FAXC: variants seen among roughly 807,000 people sequenced by gnomAD.
FAXC encodes the protein failed axon connections homolog, metaxin like GST domain containing.
Under a neutral mutation model 41.9 loss-of-function variants are expected in FAXC, and 10 were observed. That is an observed-to-expected ratio of 0.24 (90% CI 0.15 to 0.41). The LOEUF (loss-of-function observed/expected upper bound fraction) is 0.41. Among genes scored for constraint, FAXC ranks in the 10% least tolerant of loss-of-function variants. The pLI is 1.00. For synonymous variants in FAXC, 183 were observed against 183.8 expected (o/e 1.00, Z 0.03); for missense variants, 399 against 510.9 (o/e 0.78, Z 2.11).
intron 1 of FAXC, among the ~76,000 whole-genome samples, chr6:99,343,635 T>A (rs938728639): frequency 6.6e-6 from 1 of 152,200 alleles, no homozygotes; most frequent in Non-Finnish European, 1.5e-5. Context: ...GTTTTGGCCA[T>A]TAGACTATAC....
intron 4 of FAXC, among the ~76,000 whole-genome samples, chr6:99,299,173 T>C (rs1294684519): frequency 6.6e-6 from 1 of 152,226 alleles, no homozygotes; most frequent in South Asian, 2.1e-4. Flanking sequence ...TATATATCAT[T>C]ATGAGATGGT....
Position 99,333,445 on chromosome 6 carries a change from C to A in FAXC, c.505G>T (p.Glu169Ter). The A allele has an allele frequency of 1.2e-6, 2 of 1,614,178 alleles. No individual in the cohort carries two copies. Among genetic ancestry groups the A allele is most frequent in the Non-Finnish European group, 1.7e-6 (2 of 1,180,018 alleles). ...TTGTTTAAATTCACTCCAAGCTTCTCTTCCAGAAAGTCAATTATGAATTCT... is the reference window on the plus strand; with the variant it reads ...TTGTTTAAATTCACTCCAAGCTTCTATTCCAGAAAGTCAATTATGAATTCT... ...GTEFIIDFLE[E>*]KLGVNLNKNL... Residue 169 changes from glutamate (E) to a stop codon, truncating the protein, a stop_gained, in exon 3 of 6, where the codon GAG becomes TAG. Coordinates refer to ENST00000389677, the MANE Select transcript of FAXC (RefSeq NM_032511.4). LOFTEE classifies it high-confidence loss of function.
chr6:99,289,447 TC>T (rs1771147777), intron 5 of FAXC, among the ~76,000 whole-genome samples: 2 of 152,096 alleles, frequency 1.3e-5, no homozygotes, highest in Non-Finnish European at 2.9e-5. Context: ...GGCCAGGATG[TC>T]AAGACCAGCC....
chr6:99,342,911 T>G lies in FAXC; in HGVS notation c.389A>C (p.Asp130Ala). The G allele has an allele frequency of 6.2e-7, 1 of 1,606,930 alleles. No individual in the cohort carries two copies. The highest frequency in any genetic ancestry group is 8.5e-7 in the Non-Finnish European group (1 of 1,178,020). ...LKMETYLRMA[D>A]LPYQNYFGGK... Reference sequence around the variant, plus strand: ...GCACACAAGTACCTGATACGGTAAGTCAGCCATCCTTAAATAAGTTTCCAT... The same window carrying G: ...GCACACAAGTACCTGATACGGTAAGGCAGCCATCCTTAAATAAGTTTCCAT... Residue 130 changes from aspartate (D) to alanine (A), a missense_variant, in exon 2 of 6, where the codon GAC (aspartate) becomes GCC (alanine). Transcript: ENST00000389677.
chr6:99,340,729 C>T (rs1476155672), intron 2 of FAXC, among the ~76,000 whole-genome samples: 4 of 140,832 alleles, frequency 2.8e-5, no homozygotes, highest in African/African-American at 1.1e-4. Flanking sequence ...AGTGCAATGG[C>T]ACAATCTTGG....
Position 99,342,894 on chromosome 6 carries a change from G to A in FAXC, c.402+4C>T, listed in dbSNP as rs1360575179. ...AAAAAGAAAACATATTTGCACACAAGTACCTGATACGGTAAGTCAGCCATC... is the reference window on the plus strand; with the variant it reads ...AAAAAGAAAACATATTTGCACACAAATACCTGATACGGTAAGTCAGCCATC... On this transcript the variant is annotated splice_donor_region_variant and intron_variant, in intron 2 of 5. Transcript: ENST00000389677. 32 of 1,596,484 alleles carry A rather than the reference G, an allele frequency of 2.0e-5. No individual in the cohort carries two copies. The highest frequency in any genetic ancestry group is 2.6e-5 in the Non-Finnish European group (31 of 1,174,370).
chr6:99,298,874 T>C (rs1004886118), intron 4 of FAXC, among the ~76,000 whole-genome samples: 1 of 152,142 alleles, frequency 6.6e-6, no homozygotes, highest in African/African-American at 2.4e-5. Flanking sequence ...TCAACCTCTC[T>C]CCAAGTGTAG....
chr6:99,342,879 C>T lies in FAXC; in HGVS notation c.402+19G>A. ...TGATACTGATGTCATAAAAAGAAAA[C>T]ATATTTGCACACAAGTACCTGATAC... On this transcript the variant is annotated intron_variant, in intron 2 of 5. Transcript: ENST00000389677. 1 of 1,577,222 alleles carries T rather than the reference C, an allele frequency of 6.3e-7. No individual in the cohort carries two copies.
At chr6:99,317,743 A>G (rs769722966) in intron 4 of FAXC, among the ~76,000 whole-genome samples, 11 of 152,184 alleles carry the variant, frequency 7.2e-5, no homozygotes, top group Non-Finnish European at 1.5e-4. Context: ...TCATGGCCAC[A>G]GCTGGGGATC....
chr6:99,315,786 A>C (rs777305814), intron 4 of FAXC, among the ~76,000 whole-genome samples: 12 of 152,220 alleles, frequency 7.9e-5, no homozygotes, highest in Non-Finnish European at 1.6e-4. Flanking sequence ...TGCTAACAGC[A>C]TTCTGACATT....
chr6:99,310,325 C>T (rs1303952593), intron 4 of FAXC, among the ~76,000 whole-genome samples: 1 of 152,236 alleles, frequency 6.6e-6, no homozygotes, highest in Non-Finnish European at 1.5e-5. Context: ...AGTGCCCTCA[C>T]GCGGCCCTTC....
chr6:99,297,672 C>G (rs144374195), intron 4 of FAXC, among the ~76,000 whole-genome samples: 101 of 152,054 alleles, frequency 6.6e-4, no homozygotes, highest in African/African-American at 2.4e-3. Flanking sequence ...GTGTGATGCT[C>G]TCCAGACCTG....
chr6:99,324,292 TC>T (rs1206525687), intron 3 of FAXC, among the ~76,000 whole-genome samples: 2 of 152,024 alleles, frequency 1.3e-5, no homozygotes, highest in Non-Finnish European at 2.9e-5. Flanking sequence ...ACTCTATAAC[TC>T]CTGGGCTCAA....
At chr6:99,325,958 A>G (rs1201897965) in intron 3 of FAXC, among the ~76,000 whole-genome samples, 1 of 152,234 alleles carries the variant, frequency 6.6e-6, no homozygotes, top group Non-Finnish European at 1.5e-5. Context: ...CTCACCGGGC[A>G]GAGCAGAGGG....
At chr6:99,314,999 C>T (rs958456348) in intron 4 of FAXC, among the ~76,000 whole-genome samples, 9 of 151,942 alleles carry the variant, frequency 5.9e-5, no homozygotes, top group African/African-American at 1.7e-4. Flanking sequence ...CCTGGGAAGC[C>T]GAGGCAGGTG....
chr6:99,330,623 G>T (rs558686186), intron 3 of FAXC, among the ~76,000 whole-genome samples: 2 of 152,252 alleles, frequency 1.3e-5, no homozygotes, highest in East Asian at 3.9e-4. Flanking sequence ...TGTTTTTAAG[G>T]TTTCAGGCCA....
At chr6:99,342,166 C>T (rs1773450236) in intron 2 of FAXC, among the ~76,000 whole-genome samples, 1 of 152,188 alleles carries the variant, frequency 6.6e-6, no homozygotes, top group South Asian at 2.1e-4. Flanking sequence ...GAAAAGCTCT[C>T]ACCACATACA....
At chr6:99,320,772 T>C (rs1237144150) in intron 4 of FAXC, among the ~76,000 whole-genome samples, 1 of 152,252 alleles carries the variant, frequency 6.6e-6, no homozygotes, top group Non-Finnish European at 1.5e-5. Flanking sequence ...CAAAAAGTCC[T>C]TATTTTCTTC....
chr6:99,311,153 G>A lies in FAXC; in HGVS notation c.823+12291C>T, dbSNP rs139916271. Among the ~76,000 whole-genome samples, 160 of 152,336 alleles carry A rather than the reference G, an allele frequency of 1.1e-3. 3 individuals are homozygous for A. The Middle Eastern group carries it at 0.014, about 13-fold the overall frequency. Reference sequence around the variant, plus strand: ...AAAGCACTGAGACTTCAGCAGGGGTGAGTAGCAGCCTAAACATAAATCACA... The same window carrying A: ...AAAGCACTGAGACTTCAGCAGGGGTAAGTAGCAGCCTAAACATAAATCACA... On this transcript the variant is annotated intron_variant, in intron 4 of 5. Coordinates refer to ENST00000389677, the MANE Select transcript of FAXC (RefSeq NM_032511.4).
Sources: allele counts gnomAD v4.1 joint callset (sites outside exome capture counted in the v4.1 genomes callset), GRCh38; gene constraint gnomAD v4.1.1; transcripts MANE v1.5; gene names NCBI Gene and HGNC (gene_info 2026-07-23, HGNC 2026-07-21).